Variants in PCDHA3 observed in about 807,000 individuals in gnomAD.
The protein encoded by PCDHA3 is protocadherin alpha-3.
PCDHA3 carries 41 observed loss-of-function variants against 62.2 expected under a neutral mutation model. The observed-to-expected ratio is 0.66, with a 90% CI of 0.51 to 0.86. The LOEUF is 0.86. Among genes scored for constraint, PCDHA3 ranks in the 40% least tolerant of loss-of-function variants. The pLI, the probability that PCDHA3 is intolerant of heterozygous loss-of-function variation, is 0.00. For synonymous variants in PCDHA3, 640 were observed against 555.4 expected, an observed-to-expected ratio of 1.15 and a Z score of -2.14; for missense variants, 1,304 against 1,241.2, an observed-to-expected ratio of 1.05 and a Z score of -0.76.
chr5:140,801,183 T>G lies in PCDHA3; in HGVS notation c.-15T>G, dbSNP rs932527237. 1.1e-5 allele frequency: 18 copies of G among 1,574,054 alleles called. No individual in the cohort carries two copies. The highest frequency in any genetic ancestry group is 1.5e-5 in the Non-Finnish European group (18 of 1,161,964). On this transcript the variant is annotated 5_prime_UTR_variant, in exon 1 of 4. Transcript: ENST00000522353. ...ATCAATGTAAAGGCAATCTAATATT[T>G]GGAAAATACTTGCAATGTTGTTCTC...
rs564787047 is a variant in PCDHA3 at position 140,803,263 on chromosome 5, C to T, written c.2066C>T (p.Pro689Leu). Residue 689 changes from proline to leucine, a missense_variant, in exon 1 of 4, where the codon CCG (proline) becomes CTG (leucine). Transcript: ENST00000522353. The part of the protein sequence containing the change: ...SSQASAGATG[P>L]EAALVDVNVY... ...CAGGCGTCCGCTGGCGCCACGGGCC[C>T]GGAAGCTGCACTGGTGGATGTCAAC... 37 of 1,613,934 alleles carry T rather than the reference C, an allele frequency of 2.3e-5. 1 individual carries two copies. The South Asian group carries it at 4.1e-4, about 18-fold the overall frequency.
chr5:140,857,769 G>A, intron 1 of PCDHA3: 1 of 1,597,600 alleles, frequency 6.3e-7, no homozygotes, highest in Non-Finnish European at 8.6e-7. Context: ...AGCGCGGGCG[G>A]TGCAGTCAGT....
chr5:140,840,079 T>C lies in PCDHA3; in HGVS notation c.2394+36488T>C, dbSNP rs2150303127. Among the ~76,000 whole-genome samples the C allele has an allele frequency of 4.9e-4, 75 of 152,120 alleles. 1 individual carries two copies. The highest frequency in any genetic ancestry group is 8.7e-4 in the Non-Finnish European group (59 of 67,972). On this transcript the variant is annotated intron_variant, in intron 1 of 3. Coordinates refer to ENST00000522353, the MANE Select transcript of PCDHA3 (RefSeq NM_018906.3). The stretch of plus-strand genomic sequence containing the variant: ...TCTTGACAATTAGTCAATAGAAAGA[T>C]AAACTTGTTGAAGATTTTAGTGAAA...
chr5:140,924,165 C>G (rs782754845), intron 1 of PCDHA3, among the ~76,000 whole-genome samples: 5 of 152,230 alleles, frequency 3.3e-5, no homozygotes, highest in Admixed American at 1.3e-4. Context: ...ATCCTAATCT[C>G]TGGCACTGAA....
At chr5:140,913,789 T>C (rs2076466373) in intron 1 of PCDHA3, among the ~76,000 whole-genome samples, 1 of 152,176 alleles carries the variant, frequency 6.6e-6, no homozygotes, top group African/African-American at 2.4e-5. Context: ...CCATTATCAT[T>C]TGTTTGAATC....
At chr5:140,832,534 G>A (rs1772034648) in intron 1 of PCDHA3, among the ~76,000 whole-genome samples, 1 of 152,208 alleles carries the variant, frequency 6.6e-6, no homozygotes, top group African/African-American at 2.4e-5. Flanking sequence ...ATCACCATTT[G>A]TGTAGCTAAT....
chr5:140,909,895 C>A (rs1296442880), intron 1 of PCDHA3, among the ~76,000 whole-genome samples: 1 of 152,152 alleles, frequency 6.6e-6, no homozygotes, highest in Non-Finnish European at 1.5e-5. Context: ...GTTCAGTAGT[C>A]CCTGAAATGG....
At chr5:140,853,128 C>T (rs2150528900) in intron 1 of PCDHA3, 17 of 607,300 alleles carry the variant, frequency 2.8e-5, no homozygotes, top group Non-Finnish European at 3.6e-5. Flanking sequence ...ATCCTCCCGC[C>T]TCAGCCTCCC....
chr5:140,962,127 G>A (rs1198076557), intron 1 of PCDHA3, among the ~76,000 whole-genome samples: 1 of 151,934 alleles, frequency 6.6e-6, no homozygotes, highest in East Asian at 1.9e-4. Flanking sequence ...CCTTGGCCTC[G>A]GCCTCCCAAA....
chr5:140,801,665 C>A lies in PCDHA3; in HGVS notation c.468C>A (p.Gly156=), dbSNP rs781995261. 32 of 1,614,094 alleles carry A rather than the reference C, an allele frequency of 2.0e-5. No homozygotes were observed. Among genetic ancestry groups the A allele is most frequent in the Non-Finnish European group, 2.7e-5 (32 of 1,180,018 alleles). Reference sequence around the variant, plus strand: ...CTGGCTCTCGGTTTTCGCTAGAGGGCGCATCAGATGCAGATATCGGAACAA... The same window carrying A: ...CTGGCTCTCGGTTTTCGCTAGAGGGAGCATCAGATGCAGATATCGGAACAA... ...RQPGSRFSLE[G]ASDADIGTNS... The change falls in exon 1 of 4, where the codon GGC becomes GGA. Residue 156 remains glycine, a synonymous_variant. Coordinates refer to ENST00000522353, the MANE Select transcript of PCDHA3 (RefSeq NM_018906.3).
intron 1 of PCDHA3, chr5:140,926,553 A>T: frequency 4.3e-6 from 1 of 233,838 alleles, no homozygotes; most frequent in East Asian, 9.1e-5. Context: ...TCGAGACCCC[A>T]GCCCGCTGCT....
rs557640687 is a variant in PCDHA3 at position 140,964,686 on chromosome 5, C to T, written c.2395-14263C>T. 7.2e-5 allele frequency among the ~76,000 whole-genome samples: 11 copies of T among 151,874 alleles called. No individual in the cohort carries two copies. In the East Asian group the frequency reaches 2.1e-3, roughly 29 times the overall value. On this transcript the variant is annotated intron_variant, in intron 1 of 3. Coordinates refer to ENST00000522353, the MANE Select transcript of PCDHA3 (RefSeq NM_018906.3). ...ACAGGCCAGGTCCACAATTTGTGCA[C>T]TTGAGAGATTAAGGCCTCCGAGATC...
intron 1 of PCDHA3, among the ~76,000 whole-genome samples, chr5:140,886,928 C>T (rs2061230435): frequency 6.6e-6 from 1 of 151,686 alleles, no homozygotes; most frequent in African/African-American, 2.4e-5. Flanking sequence ...TCTCTATGTG[C>T]CAGGCATGTT....
At chr5:140,856,003 T>G (rs1554148087) in intron 1 of PCDHA3, 3 of 1,536,896 alleles carry the variant, frequency 2.0e-6, no homozygotes, top group Non-Finnish European at 2.6e-6. Flanking sequence ...CGTATGTGCG[T>G]TCTAGACCGC....
chr5:140,846,892 T>G (rs910093785), intron 1 of PCDHA3, among the ~76,000 whole-genome samples: 1 of 149,538 alleles, frequency 6.7e-6, no homozygotes, highest in Non-Finnish European at 1.5e-5. Flanking sequence ...AGAATGACGT[T>G]GAAGTTGAAA....
chr5:140,943,696 A>G (rs2093549628), intron 1 of PCDHA3, among the ~76,000 whole-genome samples: 1 of 152,256 alleles, frequency 6.6e-6, no homozygotes, highest in South Asian at 2.1e-4. Context: ...AGGTCAAAAT[A>G]TTGTGGAACA....
intron 1 of PCDHA3, among the ~76,000 whole-genome samples, chr5:140,945,145 T>C (rs1310475283): frequency 2.6e-5 from 4 of 152,128 alleles, no homozygotes; most frequent in African/African-American, 2.4e-5. Flanking sequence ...CAATAGCATT[T>C]CTATACACTA....
intron 1 of PCDHA3, chr5:140,835,625 C>T: frequency 6.2e-7 from 1 of 1,613,902 alleles, no homozygotes; most frequent in Non-Finnish European, 8.5e-7. Flanking sequence ...GCGCTCTGGA[C>T]CGCGAGAGTG....
At chr5:140,827,965 T>A in intron 1 of PCDHA3, 1 of 1,335,940 alleles carries the variant, frequency 7.5e-7, no homozygotes, top group Non-Finnish European at 1.0e-6. Flanking sequence ...CTTCTATTAC[T>A]GCATCATTCC....
Sources: allele counts gnomAD v4.1 joint callset (sites outside exome capture counted in the v4.1 genomes callset), GRCh38; gene constraint gnomAD v4.1.1; transcripts MANE v1.5; gene names NCBI Gene and HGNC (gene_info 2026-07-23, HGNC 2026-07-21).